FAM20C: variants seen among roughly 807,000 people sequenced by gnomAD.
FAM20C encodes extracellular serine/threonine protein kinase FAM20C.
FAM20C carries 40 observed loss-of-function variants against 51.5 expected under a neutral mutation model. The ratio of observed to expected loss-of-function variants is 0.78; its 90% CI spans 0.60 to 1.01. The LOEUF (loss-of-function observed/expected upper bound fraction) is 1.01, where lower values mean the gene tolerates loss of function less well. FAM20C is among the 50% of genes least tolerant of loss of function. The pLI is 0.00. For missense variants in FAM20C, 861 were observed against 844.7 expected, an observed-to-expected ratio of 1.02 and a Z score of -0.24; for synonymous variants, 406 against 380.6, an observed-to-expected ratio of 1.07 and a Z score of -0.78.
At chr7:258,237 G>A (rs1309745004) in intron 8 of FAM20C, among the ~76,000 whole-genome samples, 10 of 137,776 alleles carry the variant, frequency 7.3e-5, no homozygotes, top group African/African-American at 1.2e-4. Context: ...GATGGGTGGG[G>A]TGGACCCACT....
At chr7:198,068 G>A (rs1174499252) in intron 2 of FAM20C, among the ~76,000 whole-genome samples, 1 of 152,212 alleles carries the variant, frequency 6.6e-6, no homozygotes, top group East Asian at 1.9e-4. Flanking sequence ...CTGAAGGCCT[G>A]CCCCAGCTGA....
At chr7:195,196 G>A (rs372590310) in intron 1 of FAM20C, 96 of 218,346 alleles carry the variant, frequency 4.4e-4, no homozygotes, top group African/African-American at 2.0e-3. Context: ...ACAGCCCCTC[G>A]CACCCTCAGC....
intron 5 of FAM20C, among the ~76,000 whole-genome samples, chr7:253,068 C>T (rs560652722): frequency 1.1e-4 from 16 of 152,324 alleles, no homozygotes; most frequent in African/African-American, 3.4e-4. Flanking sequence ...TTTCCTGCCA[C>T]GGTGGCCTGG....
chr7:227,194 C>T (rs1278884828), intron 3 of FAM20C, among the ~76,000 whole-genome samples: 6 of 151,914 alleles, frequency 3.9e-5, no homozygotes, highest in African/African-American at 7.3e-5. Context: ...CCAGTTATGA[C>T]GGTCGCCGGG....
chr7:231,296 C>T (rs372748369), intron 3 of FAM20C, among the ~76,000 whole-genome samples: 50 of 152,216 alleles, frequency 3.3e-4, no homozygotes, highest in African/African-American at 7.2e-4. Flanking sequence ...GTGGCCGGGG[C>T]GGGAGACGTC....
At chr7:227,198 C>A (rs1050194474) in intron 3 of FAM20C, among the ~76,000 whole-genome samples, 3 of 151,844 alleles carry the variant, frequency 2.0e-5, no homozygotes, top group Non-Finnish European at 4.4e-5. Flanking sequence ...TTATGACGGT[C>A]GCCGGGGTGC....
intron 3 of FAM20C, among the ~76,000 whole-genome samples, chr7:233,089 G>A (rs1012503323): frequency 3.3e-4 from 51 of 152,358 alleles, no homozygotes; most frequent in South Asian, 3.3e-3. Flanking sequence ...TGTTCTGGCC[G>A]TGCGATTCTG....
intron 3 of FAM20C, among the ~76,000 whole-genome samples, chr7:229,720 G>A (rs180705673): frequency 1.3e-5 from 2 of 152,312 alleles, no homozygotes; most frequent in Admixed American, 6.5e-5. Flanking sequence ...GGAGAGCCCC[G>A]CACCTTCCAG....
chr7:220,883 G>T (rs1348948406), intron 3 of FAM20C, among the ~76,000 whole-genome samples: 1 of 152,222 alleles, frequency 6.6e-6, no homozygotes, highest in African/African-American at 2.4e-5. Context: ...AGAAGTGAGA[G>T]CCCGGATGGT....
At chr7:225,944 C>T (rs546503985) in intron 3 of FAM20C, among the ~76,000 whole-genome samples, 3 of 122,096 alleles carry the variant, frequency 2.5e-5, no homozygotes, top group Admixed American at 8.5e-5. Context: ...GTCCCCTGAG[C>T]CTTCTCTCAT....
intron 3 of FAM20C, chr7:245,830 C>A (rs1788129577): frequency 6.6e-6 from 1 of 152,454 alleles, no homozygotes; most frequent in Non-Finnish European, 1.5e-5. Flanking sequence ...CCTCCTGTCC[C>A]TTGGCCAGGG....
chr7:200,124 C>T (rs1211961939), intron 2 of FAM20C, among the ~76,000 whole-genome samples: 1 of 152,236 alleles, frequency 6.6e-6, no homozygotes, highest in Admixed American at 6.5e-5. Flanking sequence ...AGGGAGCTGC[C>T]TGCAGGTACC....
At chr7:197,840 A>C (rs1312330407) in intron 2 of FAM20C, among the ~76,000 whole-genome samples, 2 of 152,166 alleles carry the variant, frequency 1.3e-5, no homozygotes, top group Non-Finnish European at 2.9e-5. Flanking sequence ...GCCCCCTGGG[A>C]CCTGGGGCAT....
intron 5 of FAM20C, among the ~76,000 whole-genome samples, chr7:252,577 C>T (rs917748973): frequency 6.6e-6 from 1 of 152,214 alleles, no homozygotes. Flanking sequence ...CCTCGGCCTC[C>T]CGTGGCCTGA....
rs1222331149 is a variant in FAM20C, at chr7:193,565, G to A, written c.366G>A (p.Arg122=). 6.7e-7 allele frequency: 1 copy of A among 1,498,480 alleles called. No individual in the cohort carries two copies. The highest frequency in any genetic ancestry group is 8.9e-7 in the Non-Finnish European group (1 of 1,121,990). 92.8% of individuals were successfully genotyped at this position (1,498,480 alleles called of 1,614,324 possible). The change falls in exon 1 of 10, where the codon CGG becomes CGA. Residue 122 remains arginine, a synonymous_variant. Transcript: ENST00000313766. The part of the protein sequence containing the change: ...PAAEPAERAL[R]GRDPGALRPH... Reference sequence around the variant, plus strand: ...CCGAGCCGGCCGAGCGCGCCTTGCGGGGGCGGGATCCCGGCGCCCTAAGAC... The same window carrying A: ...CCGAGCCGGCCGAGCGCGCCTTGCGAGGGCGGGATCCCGGCGCCCTAAGAC...
intron 8 of FAM20C, among the ~76,000 whole-genome samples, chr7:257,870 G>GCTGGGTGGACCCACTGCCTGGGGT (rs1173680029): frequency 2.5e-5 from 2 of 79,490 alleles, no homozygotes; most frequent in African/African-American, 3.8e-5. Context: ...CTGGAGATGG[G>GCTGGGTGGACCCACTGCCTGGGGT]GCTGGGTGGA....
chr7:211,005 G>T (rs28519529), intron 3 of FAM20C, among the ~76,000 whole-genome samples: 1 of 151,612 alleles, frequency 6.6e-6, no homozygotes, highest in Non-Finnish European at 1.5e-5. Context: ...TTACCGCTGC[G>T]TAAAGACGAG....
chr7:253,954 C>T (rs1380356401), intron 5 of FAM20C, among the ~76,000 whole-genome samples: 5 of 152,176 alleles, frequency 3.3e-5, no homozygotes, highest in Admixed American at 6.5e-5. Flanking sequence ...CTGCCTCGTC[C>T]GACTGTGGGC....
chr7:228,290 T>G (rs1459009428), intron 3 of FAM20C: 1 of 365,394 alleles, frequency 2.7e-6, no homozygotes, highest in African/African-American at 2.1e-5. Flanking sequence ...GTGCTGCCTG[T>G]CCCCATGGGT....
Sources: gnomAD v4.1 joint callset for allele counts (sites outside exome capture counted in the v4.1 genomes callset) on GRCh38, gnomAD v4.1.1 for gene constraint, MANE v1.5 for transcripts, NCBI Gene and HGNC (gene_info 2026-07-23, HGNC 2026-07-21) for gene names.